The following ZNF518A variants were observed in gnomAD, a reference collection of about 807,000 sequenced individuals.
ZNF518A encodes zinc finger protein 518A, also known as zinc finger protein 518.
ZNF518A carries 47 observed loss-of-function variants against 102.7 expected under a neutral mutation model. That is an observed-to-expected ratio of 0.46 (90% CI 0.36 to 0.58). ZNF518A has a LOEUF of 0.58. ZNF518A is among the 20% of genes least tolerant of loss of function. ZNF518A has a pLI of 0.00. For synonymous variants in ZNF518A, 652 were observed against 594.6 expected (o/e 1.10, Z -1.40); for missense variants, 1,793 against 1,699.8 (o/e 1.05, Z -0.96).
At chr10:96,167,113 T>G (rs587714899), downstream of ZNF518A, among the ~76,000 whole-genome samples, 1 of 152,202 alleles carries the variant, frequency 6.6e-6, no homozygotes, top group Admixed American at 6.5e-5. Context: ...GTAGGAAATA[T>G]AAAGTTTTGA....
intron 1 of ZNF518A, among the ~76,000 whole-genome samples, chr10:96,188,086 G>C (rs782228379): frequency 3.5e-4 from 54 of 152,298 alleles, no homozygotes; most frequent in African/African-American, 1.3e-3. Context: ...CTGGCCTCAA[G>C]TGATCCACCT....
At chr10:96,167,105 A>G (rs2133879224), downstream of ZNF518A, among the ~76,000 whole-genome samples, 1 of 152,364 alleles carries the variant, frequency 6.6e-6, no homozygotes, top group East Asian at 1.9e-4. Flanking sequence ...AGAGAAATGT[A>G]GGAAATATAA....
At chr10:96,204,495 CA>C (rs2083743584), downstream of ZNF518A, 1 of 1,598,890 alleles carries the variant, frequency 6.3e-7, no homozygotes, top group Non-Finnish European at 8.6e-7. Flanking sequence ...CCTGCAGCAA[CA>C]AGAGGAAACT....
chr10:96,184,727 C>G (rs782104175), intron 1 of ZNF518A, among the ~76,000 whole-genome samples: 4 of 150,854 alleles, frequency 2.7e-5, no homozygotes, highest in Non-Finnish European at 5.9e-5. Flanking sequence ...CTCTGGCTGC[C>G]CTTAACATTT....
At chr10:96,141,971 G>A (rs1477768522) in intron 3 of ZNF518A, among the ~76,000 whole-genome samples, 1 of 152,048 alleles carries the variant, frequency 6.6e-6, no homozygotes, top group East Asian at 1.9e-4. Flanking sequence ...TGAACTCCTG[G>A]ACTCAAGCAG....
chr10:96,153,382 A>G (rs2082543841), intron 3 of ZNF518A, among the ~76,000 whole-genome samples: 1 of 152,204 alleles, frequency 6.6e-6, no homozygotes, highest in Non-Finnish European at 1.5e-5. Flanking sequence ...TTTTCTAGGT[A>G]TTCCTTAATC....
At position 96,130,579 on chromosome 10, in the gene ZNF518A, T is replaced by C. The variant is rs2081279320; in HGVS notation, c.-626T>C. ...CGAAGCACTCACTCGGCGGGTTTCG[T>C]GGTTGGTGGAGACAGCAAGGGCGCC... On this transcript the variant is annotated 5_prime_UTR_variant, in exon 1 of 6. Transcript: ENST00000316045. 1.3e-5 allele frequency: 2 copies of C among 152,262 alleles called. No individual in the cohort carries two copies. Among genetic ancestry groups the C allele is most frequent in the Non-Finnish European group, 2.9e-5 (2 of 68,140 alleles). 9.4% of individuals were successfully genotyped at this position (152,262 alleles called of 1,614,324 possible). A position where few individuals can be genotyped will look rare whatever the true frequency, so the allele number is the denominator to read the frequency against.
chr10:96,148,906 G>A (rs955890763), intron 3 of ZNF518A, among the ~76,000 whole-genome samples: 7 of 152,060 alleles, frequency 4.6e-5, no homozygotes, highest in African/African-American at 1.4e-4. Flanking sequence ...TAGTAAAGAC[G>A]GGGTTTCACC....
At chr10:96,138,715 A>G (rs1387861423) in intron 3 of ZNF518A, among the ~76,000 whole-genome samples, 4 of 152,154 alleles carry the variant, frequency 2.6e-5, no homozygotes, top group South Asian at 4.1e-4. Flanking sequence ...GTTTACTGCC[A>G]TATTCCCAAT....
rs2081277991 is a variant in ZNF518A at position 96,130,558 on chromosome 10, G to GC, written c.-646dup. 1 of 152,400 alleles carries GC rather than the reference G, an allele frequency of 6.6e-6. No homozygotes were observed. The highest frequency in any genetic ancestry group is 1.5e-5 in the Non-Finnish European group (1 of 68,160). 9.4% of individuals were successfully genotyped at this position (152,400 alleles called of 1,614,324 possible). Reference sequence around the variant, plus strand: ...CGAAGCTGGGCGCGCGGCGCTCGAAGCACTCACTCGGCGGGTTTCGTGGTT... The same window carrying GC: ...CGAAGCTGGGCGCGCGGCGCTCGAAGCCACTCACTCGGCGGGTTTCGTGGTT... On this transcript the variant is annotated 5_prime_UTR_variant, in exon 1 of 6. Transcript: ENST00000316045.
intron 1 of ZNF518A, among the ~76,000 whole-genome samples, chr10:96,174,393 A>T (rs1430550700): frequency 6.6e-6 from 1 of 152,278 alleles, no homozygotes; most frequent in Non-Finnish European, 1.5e-5. Context: ...GTTCTTATCA[A>T]AGGTCAACAA....
At position 96,170,099 on chromosome 10, in the gene ZNF518A, A is replaced by T. The variant is rs111738593; in HGVS notation, n.35+14052A>T. Among the ~76,000 whole-genome samples the T allele has an allele frequency of 1.7e-3, 259 of 152,318 alleles. 3 individuals carry two copies. Among genetic ancestry groups the T allele is most frequent in the African/African-American group, 5.9e-3 (245 of 41,566 alleles). ...TTGTGAGAGTTTAGTGCCTTCTCAC[A>T]TCTTTTCTAAGCACACGTACAGCCC... is the stretch of plus-strand genomic sequence containing the variant. On this transcript the variant is annotated intron_variant and non_coding_transcript_variant, in intron 1 of 2. Transcript: ENST00000442635.
At chr10:96,146,352 G>A (rs1234069219) in intron 3 of ZNF518A, among the ~76,000 whole-genome samples, 6 of 152,076 alleles carry the variant, frequency 3.9e-5, no homozygotes, top group Non-Finnish European at 5.9e-5. Flanking sequence ...GACTCTTTAT[G>A]TATGTATTGC....
At chr10:96,140,732 A>G (rs1554876207) in intron 3 of ZNF518A, among the ~76,000 whole-genome samples, 1 of 151,724 alleles carries the variant, frequency 6.6e-6, no homozygotes. Flanking sequence ...GGAGGTCAAG[A>G]CCAACCTGGG....
chr10:96,159,706 T>C lies in ZNF518A; in HGVS notation c.3384T>C (p.Tyr1128=), dbSNP rs781929426. The part of the protein sequence containing the change: ...LKPKLVQNST[Y]QNIQPKKPEG... Reference sequence around the variant, plus strand: ...CCAAATTAGTCCAAAATAGTACTTATCAAAATATACAGCCAAAGAAACCTG... The same window carrying C: ...CCAAATTAGTCCAAAATAGTACTTACCAAAATATACAGCCAAAGAAACCTG... Residue 1128 remains tyrosine (Y), a synonymous_variant, in exon 6 of 6, where the codon TAT becomes TAC. Coordinates refer to ENST00000316045, the MANE Select transcript of ZNF518A (RefSeq NM_001330736.2). 4.2e-5 allele frequency: 68 copies of C among 1,613,182 alleles called. No homozygotes were observed. Among genetic ancestry groups the C allele is most frequent in the Middle Eastern group, 1.6e-4 (1 of 6,084 alleles).
chr10:96,141,748 ATTTTT>A (rs11361841), intron 3 of ZNF518A, among the ~76,000 whole-genome samples: 1 of 125,064 alleles, frequency 8.0e-6, no homozygotes. Context: ...TTTCTTCTTC[ATTTTT>A]TTTTTTTTTT....
chr10:96,176,051 T>C (rs903486437), intron 1 of ZNF518A, among the ~76,000 whole-genome samples: 1 of 152,098 alleles, frequency 6.6e-6, no homozygotes, highest in African/African-American at 2.4e-5. Context: ...CAATCCTGCC[T>C]CCTGAGTAGC....
At chr10:96,136,257 C>T (rs755874290) in intron 3 of ZNF518A, among the ~76,000 whole-genome samples, 64 of 151,774 alleles carry the variant, frequency 4.2e-4, no homozygotes, top group Non-Finnish European at 7.5e-4. Context: ...TAAAATTACT[C>T]ATTTTGGCAA....
chr10:96,190,286 A>C (rs1591283663), intron 1 of ZNF518A: 2 of 674,308 alleles, frequency 3.0e-6, no homozygotes. Flanking sequence ...GCTCAAGAGA[A>C]CAGCCATACA....
Sources: gnomAD v4.1 joint callset for allele counts (sites outside exome capture counted in the v4.1 genomes callset) on GRCh38, gnomAD v4.1.1 for gene constraint, MANE v1.5 for transcripts, NCBI Gene and HGNC (gene_info 2026-07-23, HGNC 2026-07-21) for gene names.